CDH13: variants seen among roughly 807,000 people sequenced by gnomAD.
The protein encoded by CDH13 is cadherin-13.
CDH13 carries 24 observed loss-of-function variants against 63.8 expected under a neutral mutation model. The ratio of observed to expected loss-of-function variants is 0.38; its 90% CI spans 0.27 to 0.53. The LOEUF (loss-of-function observed/expected upper bound fraction) is 0.53. Ranked by LOEUF, CDH13 falls within the 20% of genes least tolerant of loss-of-function variation. The probability of loss-of-function intolerance (pLI) is 0.85; values close to 1 mark genes in which losing one functional copy is unlikely to be tolerated. For synonymous variants in CDH13, 503 were observed against 355.3 expected, an observed-to-expected ratio of 1.42 and a Z score of -4.67; for missense variants, 1,049 against 903.1, an observed-to-expected ratio of 1.16 and a Z score of -2.07.
chr16:83,486,716 G>C, intron 7 of CDH13, 61 bp downstream of exon 7: 1 of 1,482,204 alleles, frequency 6.7e-7, no homozygotes, highest in South Asian at 1.2e-5. Context: ...TCATGCAAGG[G>C]ATGATGTGGG....
At chr16:83,780,776 C>T (rs934617367) in intron 12 of CDH13, among the ~76,000 whole-genome samples, 1 of 152,198 alleles carries the variant, frequency 6.6e-6, no homozygotes, top group Non-Finnish European at 1.5e-5. Context: ...GGCCAACCTG[C>T]CCAGTCTCAG....
intron 3 of CDH13, among the ~76,000 whole-genome samples, chr16:83,064,543 G>T (rs2031844222): frequency 6.6e-6 from 1 of 152,080 alleles, no homozygotes; most frequent in African/African-American, 2.4e-5. Context: ...TCTTTAACCT[G>T]ATTATTATAT....
intron 6 of CDH13, among the ~76,000 whole-genome samples, chr16:83,410,789 T>A (rs576009597): frequency 6.6e-6 from 1 of 152,310 alleles, no homozygotes; most frequent in Admixed American, 6.5e-5. Flanking sequence ...GCTGCCAACA[T>A]TTTGATTGTT....
intron 2 of CDH13, among the ~76,000 whole-genome samples, chr16:82,891,806 C>G (rs989004068): frequency 6.6e-6 from 1 of 152,140 alleles, no homozygotes; most frequent in East Asian, 1.9e-4. Flanking sequence ...TTTTGAAATA[C>G]CAGGCCCTTA....
At chr16:83,363,875 C>G (rs2091209464) in intron 6 of CDH13, among the ~76,000 whole-genome samples, 1 of 152,106 alleles carries the variant, frequency 6.6e-6, no homozygotes, top group African/African-American at 2.4e-5. Context: ...CAATGAATAT[C>G]AGAGAGGGTC....
chr16:82,961,572 TAAAAAAAA>T (rs71376305), intron 2 of CDH13, among the ~76,000 whole-genome samples: 2 of 103,406 alleles, frequency 1.9e-5, no homozygotes, highest in Non-Finnish European at 3.8e-5. Flanking sequence ...GCAGGGGACT[TAAAAAAAA>T]AAAAAAAAAA....
intron 8 of CDH13, among the ~76,000 whole-genome samples, chr16:83,647,505 A>C (rs1441811254): frequency 1.3e-5 from 2 of 152,120 alleles, no homozygotes; most frequent in African/African-American, 2.4e-5. Context: ...CCCTTCCTAC[A>C]ACATAAATGT....
At chr16:83,221,777 C>A (rs999477647) in intron 5 of CDH13, among the ~76,000 whole-genome samples, 4 of 151,966 alleles carry the variant, frequency 2.6e-5, no homozygotes, top group African/African-American at 9.7e-5. Flanking sequence ...ATCTGTTGTC[C>A]AGTGGGAGAT....
At chr16:82,824,544 C>T (rs1160699788) in intron 1 of CDH13, 5 of 152,180 alleles carry the variant, frequency 3.3e-5, no homozygotes. Flanking sequence ...ACAACGCCAT[C>T]TAGTCTTGAG....
In CDH13 at chr16:83,795,491, G is replaced by C. The variant is rs1904276672; in HGVS notation, c.*461G>C. On this transcript the variant is annotated 3_prime_UTR_variant, in exon 14 of 14. Transcript: ENST00000567109. ...TCTTCCTTGCAAGGTTAAGCAAGGT[G>C]GGTGGAAACTAAGACACCTGAACCC... The C allele has an allele frequency of 6.2e-6, 1 of 160,384 alleles. No homozygotes were observed. Among genetic ancestry groups the C allele is most frequent in the Non-Finnish European group, 1.4e-5 (1 of 73,102 alleles). 9.9% of individuals were successfully genotyped at this position (160,384 alleles called of 1,614,324 possible).
At chr16:82,934,517 A>G (rs186136626) in intron 2 of CDH13, among the ~76,000 whole-genome samples, 184 of 152,312 alleles carry the variant, frequency 1.2e-3, no homozygotes, top group Non-Finnish European at 1.9e-3. Flanking sequence ...TTGGTGATTA[A>G]CATTTAGCTC....
chr16:82,752,712 C>T (rs1290644961), intron 1 of CDH13, among the ~76,000 whole-genome samples: 1 of 152,182 alleles, frequency 6.6e-6, no homozygotes, highest in East Asian at 1.9e-4. Context: ...AGAAGGCAGA[C>T]CACTGGGTCC....
At chr16:83,414,886 A>G (rs922015866) in intron 6 of CDH13, among the ~76,000 whole-genome samples, 3 of 152,198 alleles carry the variant, frequency 2.0e-5, no homozygotes. Context: ...GTAGCTCTCC[A>G]GTAATATCTT....
chr16:82,934,324 C>T (rs1163616023), intron 2 of CDH13, among the ~76,000 whole-genome samples: 1 of 152,228 alleles, frequency 6.6e-6, no homozygotes, highest in South Asian at 2.1e-4. Context: ...TGAGCTGTAC[C>T]TTGGCCCCTT....
chr16:83,535,751 TGGAA>T (rs1567745504), intron 7 of CDH13, among the ~76,000 whole-genome samples: 1 of 148,228 alleles, frequency 6.7e-6, no homozygotes, highest in African/African-American at 2.5e-5. Context: ...AGTGAGTGAA[TGGAA>T]GGAAAGAGCT....
chr16:83,008,159 C>T (rs1913741576), intron 2 of CDH13, among the ~76,000 whole-genome samples: 1 of 151,978 alleles, frequency 6.6e-6, no homozygotes, highest in Admixed American at 6.6e-5. Flanking sequence ...GTGAAAGAGG[C>T]AGACAATAAA....
intron 1 of CDH13, among the ~76,000 whole-genome samples, chr16:82,638,890 A>G (rs1315433146): frequency 1.4e-5 from 2 of 147,754 alleles, no homozygotes; most frequent in Non-Finnish European, 3.0e-5. Context: ...ACCTCCATGT[A>G]ACCACAATTC....
chr16:82,683,955 C>T (rs566666523), intron 1 of CDH13, among the ~76,000 whole-genome samples: 126 of 152,318 alleles, frequency 8.3e-4, no homozygotes, highest in African/African-American at 2.8e-3. Flanking sequence ...TAACCTTTGA[C>T]TTGTCTAGTC....
chr16:83,153,905 G>A (rs890833983), intron 4 of CDH13, among the ~76,000 whole-genome samples: 6 of 152,302 alleles, frequency 3.9e-5, no homozygotes, highest in Non-Finnish European at 7.4e-5. Flanking sequence ...TTCTGGAGGT[G>A]AGAGATGGGC....
Sources: gnomAD v4.1 joint callset for allele counts (sites outside exome capture counted in the v4.1 genomes callset) on GRCh38, gnomAD v4.1.1 for gene constraint, MANE v1.5 for transcripts, NCBI Gene and HGNC (gene_info 2026-07-23, HGNC 2026-07-21) for gene names.